Variants in ABCC8 observed in about 807,000 individuals in gnomAD.
ABCC8 encodes the protein ATP-binding cassette sub-family C member 8.
In ABCC8, 137 loss-of-function variants were observed where a neutral mutation model predicts 188.0. That is an observed-to-expected ratio of 0.73 (90% CI 0.63 to 0.84). ABCC8 has a LOEUF of 0.84. Among genes scored for constraint, ABCC8 ranks in the 40% least tolerant of loss-of-function variants. The pLI is 0.00. For synonymous variants in ABCC8, 797 were observed against 846.5 expected (o/e 0.94, Z 1.01); for missense variants, 1,750 against 2,072.7 (o/e 0.84, Z 3.02).
chr11:17,428,024 C>T (rs1298391120), intron 14 of ABCC8, 82 bp from the exon 15 acceptor site: 1 of 1,585,598 alleles, frequency 6.3e-7, no homozygotes, highest in Admixed American at 1.8e-5. Context: ...TTCCCCTCCT[C>T]CATGAAAGCC....
intron 29 of ABCC8, among the ~76,000 whole-genome samples, chr11:17,402,089 C>T (rs1342954603): frequency 6.6e-6 from 1 of 152,218 alleles, no homozygotes; most frequent in African/African-American, 2.4e-5. Context: ...TTTTTAGTGC[C>T]TGGCATGGGG....
In ABCC8 at chr11:17,428,628, A is replaced by C. The variant is rs745600400; in HGVS notation, c.1860T>G (p.Arg620=). Residue 620 remains arginine, a synonymous_variant, in exon 13 of 39, where the codon CGT becomes CGG. Transcript: ENST00000389817. ...GCTCATGGGGGGCACACTGCTCCTC[A>C]CGGATCTCTGCACTGGACAGGAACT... The part of the protein sequence containing the change: ...LSEFLSSAEI[R]EEQCAPHEPT... The C allele has an allele frequency of 1.5e-5, 25 of 1,613,892 alleles. No individual in the cohort carries two copies. Among genetic ancestry groups the C allele is most frequent in the Admixed American group, 1.0e-4 (6 of 60,010 alleles).
chr11:17,469,788 A>G (rs1296702348), intron 3 of ABCC8, among the ~76,000 whole-genome samples: 1 of 152,138 alleles, frequency 6.6e-6, no homozygotes, highest in East Asian at 1.9e-4. Flanking sequence ...AAATATCTGC[A>G]TGCCCACAGT....
In ABCC8 at chr11:17,427,254, C is replaced by T; in HGVS notation, c.2117-100G>A. On this transcript the variant is annotated intron_variant, in intron 15 of 38. Transcript: ENST00000389817. This position sits in a 1 kb window ranked among gnomAD's most constrained non-coding sequence, Gnocchi z 5.0. ...GACAGATGCACCCAACCCTGGGGCCCCTGTTTTCTTTCTTCCTACCTAGAA... is the reference window on the plus strand; with the variant it reads ...GACAGATGCACCCAACCCTGGGGCCTCTGTTTTCTTTCTTCCTACCTAGAA... The T allele has an allele frequency of 7.2e-7, 1 of 1,381,254 alleles. No individual in the cohort carries two copies. The highest frequency in any genetic ancestry group is 9.4e-7 in the Non-Finnish European group (1 of 1,069,130). 85.6% of individuals were successfully genotyped at this position (1,381,254 alleles called of 1,614,324 possible).
chr11:17,408,806 C>T (rs574812392), intron 22 of ABCC8, among the ~76,000 whole-genome samples: 21 of 152,310 alleles, frequency 1.4e-4, no homozygotes, highest in South Asian at 4.1e-4. Flanking sequence ...ACTCCACCCA[C>T]GGCAGCGGCC....
chr11:17,397,352 C>CTTAG (rs1469710587), intron 31 of ABCC8, 39 bp from the exon 32 acceptor site: 2 of 1,604,174 alleles, frequency 1.2e-6, no homozygotes, highest in African/African-American at 2.7e-5. Flanking sequence ...TCCATGGTCG[C>CTTAG]TTAGTTCTGT....
intron 6 of ABCC8, among the ~76,000 whole-genome samples, chr11:17,457,285 C>T (rs79253807): frequency 0.019 from 2,858 of 152,198 alleles, 104 homozygotes; most frequent in African/African-American, 0.066. Context: ...CACACACACA[C>T]GCAGAAAAAG....
chr11:17,465,131 T>C (rs3819522), intron 3 of ABCC8, among the ~76,000 whole-genome samples: 64,853 of 152,124 alleles, frequency 0.43, 15,383 homozygotes, highest in African/African-American at 0.65. Flanking sequence ...TCTGCTCTCA[T>C]GCCTCAGGAC....
intron 6 of ABCC8, among the ~76,000 whole-genome samples, chr11:17,455,435 C>T (rs914541492): frequency 2.0e-5 from 3 of 152,176 alleles, no homozygotes; most frequent in African/African-American, 4.8e-5. Context: ...GGTTTTGCAG[C>T]TCTAAAGGCT....
chr11:17,423,729 C>T (rs1955456922), intron 16 of ABCC8, among the ~76,000 whole-genome samples: 2 of 152,156 alleles, frequency 1.3e-5, no homozygotes, highest in African/African-American at 4.8e-5. Flanking sequence ...TGTGAGGACC[C>T]ACGTGGCAGT....
At chr11:17,408,685 C>A (rs1011645779) in intron 22 of ABCC8, 168 bp from the exon 23 acceptor site, 1 of 585,312 alleles carries the variant, frequency 1.7e-6, no homozygotes, top group Non-Finnish European at 2.2e-6. Flanking sequence ...CTACCCCAAC[C>A]AACATACTCC....
rs531365932 is a variant in ABCC8 at position 17,463,300 on chromosome 11, C to T, written c.579+138G>A. ...CTGAAATTTCCGCCACGGCCCCACT[C>T]CCCTTTACACGGGCGGGTAAAACAA... On this transcript the variant is annotated intron_variant, in intron 4 of 38. Coordinates refer to ENST00000389817, the MANE Select transcript of ABCC8 (RefSeq NM_000352.6). 1.1e-4 allele frequency: 79 copies of T among 738,340 alleles called. 2 individuals carry two copies. The highest frequency in any genetic ancestry group is 8.2e-4 in the South Asian group (49 of 59,802). The allele number at this position is 738,340 out of a possible 1,614,324, so 45.7% of individuals were successfully genotyped here. A position where few individuals can be genotyped will look rare whatever the true frequency, so the allele number is the denominator to read the frequency against.
intron 26 of ABCC8, 182 bp from the exon 27 acceptor site, chr11:17,405,745 C>CA: frequency 1.3e-6 from 1 of 764,892 alleles, no homozygotes. Flanking sequence ...CCCAAAGGGG[C>CA]GCTGGCCTTT....
intron 29 of ABCC8, among the ~76,000 whole-genome samples, chr11:17,400,219 A>G (rs1954165841): frequency 6.6e-6 from 1 of 152,116 alleles, no homozygotes; most frequent in Admixed American, 6.5e-5. Context: ...AGAGCATGCT[A>G]CTGCACACCC....
chr11:17,417,443 CTT>C (rs1955136864), intron 16 of ABCC8, among the ~76,000 whole-genome samples: 2 of 152,112 alleles, frequency 1.3e-5, no homozygotes, highest in African/African-American at 4.8e-5. Flanking sequence ...GATTTTTTCT[CTT>C]GTTTATAAAT....
intron 28 of ABCC8, among the ~76,000 whole-genome samples, chr11:17,403,858 T>G (rs1191826988): frequency 6.6e-6 from 1 of 152,236 alleles, no homozygotes; most frequent in African/African-American, 2.4e-5. Context: ...GGGCTGTAAT[T>G]GGCAGTTTGA....
chr11:17,430,710 GTGTTCCGGGAC>G (rs1243777206), intron 12 of ABCC8, 93 bp downstream of exon 12: 1 of 1,324,942 alleles, frequency 7.5e-7, no homozygotes, highest in Non-Finnish European at 1.1e-6. Flanking sequence ...CAATGGGGGT[GTGTTCCGGGAC>G]CAAACAGCTG....
intron 8 of ABCC8, among the ~76,000 whole-genome samples, chr11:17,447,978 A>T (rs1187519054): frequency 2.0e-5 from 3 of 152,258 alleles, no homozygotes; most frequent in African/African-American, 7.2e-5. Flanking sequence ...AGTAGTAAGC[A>T]TACAACATAT....
intron 3 of ABCC8, among the ~76,000 whole-genome samples, chr11:17,465,786 C>T (rs899764185): frequency 5.9e-5 from 9 of 152,164 alleles, no homozygotes; most frequent in Admixed American, 1.3e-4. Context: ...CATCATCATG[C>T]GTCCTCTGTA....
Sources: gnomAD v4.1 joint callset for allele counts (sites outside exome capture counted in the v4.1 genomes callset) on GRCh38, gnomAD v4.1.1 for gene constraint, Gnocchi (gnomAD v3.1) non-coding constraint, MANE v1.5 for transcripts, NCBI Gene and HGNC (gene_info 2026-07-23, HGNC 2026-07-21) for gene names.